ADAM9: variants seen among roughly 807,000 people sequenced by gnomAD.
ADAM9 encodes the protein disintegrin and metalloproteinase domain-containing protein 9.
Under a neutral mutation model 108.1 loss-of-function variants are expected in ADAM9, and 54 were observed. The ratio of observed to expected loss-of-function variants is 0.50; its 90% CI spans 0.40 to 0.63. ADAM9 has a LOEUF of 0.63. Ranked by LOEUF, ADAM9 falls within the 20% of genes least tolerant of loss-of-function variation. The pLI, the probability that ADAM9 is intolerant of heterozygous loss-of-function variation, is 0.00. For synonymous variants in ADAM9, 316 were observed against 336.0 expected, an observed-to-expected ratio of 0.94 and a Z score of 0.65; for missense variants, 830 against 997.7, an observed-to-expected ratio of 0.83 and a Z score of 2.26.
chr8:39,057,421 C>A (rs1838161437), intron 14 of ADAM9, among the ~76,000 whole-genome samples: 1 of 150,460 alleles, frequency 6.6e-6, no homozygotes, highest in Admixed American at 6.6e-5. Context: ...ATATATTCTC[C>A]TGGAGGAATC....
rs764519029 is a variant in ADAM9 at position 39,068,543 on chromosome 8, C to T, written c.1592-2755C>T. Among the ~76,000 whole-genome samples, 199 of 151,336 alleles carry T rather than the reference C, an allele frequency of 1.3e-3. 1 individual carries two copies. Among genetic ancestry groups the T allele is most frequent in the Non-Finnish European group, 9.4e-4 (64 of 67,784 alleles). The stretch of plus-strand genomic sequence containing the variant: ...TACAAAAATTAGCTTGGCATGATGG[C>T]GGGCACCTGTAATCCCAGCTACTCA... On this transcript the variant is annotated intron_variant, in intron 14 of 21. Coordinates refer to ENST00000487273, the MANE Select transcript of ADAM9 (RefSeq NM_003816.3).
chr8:39,040,474 A>G (rs932313864), intron 11 of ADAM9, among the ~76,000 whole-genome samples: 3 of 152,162 alleles, frequency 2.0e-5, no homozygotes, highest in African/African-American at 7.2e-5. Flanking sequence ...GGCCATTTTT[A>G]TGTCATCTTT....
At chr8:39,082,060 TTC>T (rs1839041218) in intron 16 of ADAM9, among the ~76,000 whole-genome samples, 1 of 152,302 alleles carries the variant, frequency 6.6e-6, no homozygotes, top group African/African-American at 2.4e-5. Context: ...GAACTAGAAT[TTC>T]TTGAACCATG....
chr8:39,046,206 A>G (rs1396488605), intron 12 of ADAM9, among the ~76,000 whole-genome samples: 1 of 152,088 alleles, frequency 6.6e-6, no homozygotes, highest in African/African-American at 2.4e-5. Context: ...AAGCTTATTC[A>G]CAAATGTTTT....
At chr8:39,080,892 G>A (rs1839000077) in intron 16 of ADAM9, among the ~76,000 whole-genome samples, 1 of 151,570 alleles carries the variant, frequency 6.6e-6, no homozygotes, top group African/African-American at 2.4e-5. Context: ...GGCCATGGGT[G>A]GTAGGGGGAG....
intron 16 of ADAM9, among the ~76,000 whole-genome samples, chr8:39,079,855 G>A (rs1190782016): frequency 6.6e-6 from 1 of 152,184 alleles, no homozygotes; most frequent in East Asian, 1.9e-4. Context: ...AAAGTGTTGG[G>A]ATTACAGGCG....
chr8:39,090,051 GA>G lies in ADAM9; in HGVS notation c.2075del (p.Asn692IlefsTer4). 1 of 1,613,820 alleles carries G rather than the reference GA, an allele frequency of 6.2e-7. No individual in the cohort carries two copies. Among genetic ancestry groups the G allele is most frequent in the African/African-American group, 1.3e-5 (1 of 74,996 alleles). On this transcript the variant is annotated frameshift_variant, in exon 19 of 22. Transcript: ENST00000487273. LOFTEE classifies it high-confidence loss of function. ...ATGTAAAATTCTTCTCTCTAGAAAT[GA>G]ATACTGCATTGAGGGACGGACTTCT... ...VDSGPTYNEM[N>X]TALRDGLLVF...
chr8:39,025,441 C>T (rs960676103), intron 9 of ADAM9, among the ~76,000 whole-genome samples: 2 of 152,106 alleles, frequency 1.3e-5, no homozygotes, highest in Non-Finnish European at 2.9e-5. Context: ...CCTGCAGCTG[C>T]CCGTGTAAAC....
chr8:39,020,263 A>C (rs1425207436), intron 7 of ADAM9, among the ~76,000 whole-genome samples: 2 of 152,176 alleles, frequency 1.3e-5, no homozygotes, highest in African/African-American at 2.4e-5. Flanking sequence ...AAAAAACAAA[A>C]CAAAACAAAA....
At chr8:39,066,200 T>G (rs944130498) in intron 14 of ADAM9, among the ~76,000 whole-genome samples, 1 of 152,232 alleles carries the variant, frequency 6.6e-6, no homozygotes, top group African/African-American at 2.4e-5. Context: ...TGAATAGTGC[T>G]GCAATAAACA....
intron 15 of ADAM9, among the ~76,000 whole-genome samples, chr8:39,071,623 C>T (rs1335922551): frequency 5.9e-5 from 9 of 152,198 alleles, no homozygotes; most frequent in South Asian, 4.2e-4. Flanking sequence ...TGTGCCACCA[C>T]GCCCAGCTAA....
chr8:39,080,827 C>G (rs1588420431), intron 16 of ADAM9, among the ~76,000 whole-genome samples: 1 of 152,120 alleles, frequency 6.6e-6, no homozygotes, highest in South Asian at 2.1e-4. Context: ...AATCAGTAAA[C>G]CAGAAGTCCT....
intron 16 of ADAM9, among the ~76,000 whole-genome samples, chr8:39,080,921 G>A (rs1468892070): frequency 6.6e-6 from 1 of 151,204 alleles, no homozygotes; most frequent in Non-Finnish European, 1.5e-5. Context: ...GTATGTGAGA[G>A]GATGGTCTTA....
intron 11 of ADAM9, among the ~76,000 whole-genome samples, chr8:39,033,605 C>G (rs914118003): frequency 6.6e-6 from 1 of 151,488 alleles, no homozygotes; most frequent in African/African-American, 2.4e-5. Context: ...TTTATATTTA[C>G]TGTAATTACT....
At chr8:39,088,181 C>T (rs112814322) in intron 18 of ADAM9, among the ~76,000 whole-genome samples, 4,957 of 151,970 alleles carry the variant, frequency 0.033, 269 homozygotes, top group African/African-American at 0.11. Context: ...TATAAGTGGA[C>T]CTGCACAGTT....
chr8:39,022,093 T>TGA (rs1836762603), intron 8 of ADAM9, among the ~76,000 whole-genome samples: 1 of 150,388 alleles, frequency 6.6e-6, no homozygotes, highest in African/African-American at 2.5e-5. Flanking sequence ...TGTGTGTGTG[T>TGA]GTGTGAGAGA....
In ADAM9 at chr8:39,054,602, G is replaced by GAAAAAAAA. The variant is rs755442483; in HGVS notation, c.1395+42_1395+49dup. The GAAAAAAAA allele has an allele frequency of 1.7e-3, 1,569 of 944,478 alleles. 3 individuals carry two copies. The highest frequency in any genetic ancestry group is 5.4e-3 in the South Asian group (341 of 63,418). The allele number at this position is 944,478 out of a possible 1,614,324, so 58.5% of individuals were successfully genotyped here. ...AGGAATTCCTCCCTTTTGGAAACAG[G>GAAAAAAAA]AAAAAAAAAAAAAAAAAAAAGAAAA... On this transcript the variant is annotated intron_variant, in intron 13 of 21. Transcript: ENST00000487273.
intron 12 of ADAM9, among the ~76,000 whole-genome samples, chr8:39,045,305 T>C (rs1239355933): frequency 2.7e-5 from 4 of 147,954 alleles, no homozygotes; most frequent in Admixed American, 6.7e-5. Flanking sequence ...CACCTATACA[T>C]GTGTGTGTAC....
intron 18 of ADAM9, among the ~76,000 whole-genome samples, chr8:39,083,981 T>A (rs959004106): frequency 6.6e-6 from 1 of 152,198 alleles, no homozygotes; most frequent in Non-Finnish European, 1.5e-5. Flanking sequence ...CCCCACATCC[T>A]CTCTAACAGT....
Sources: allele counts gnomAD v4.1 joint callset (sites outside exome capture counted in the v4.1 genomes callset), GRCh38; gene constraint gnomAD v4.1.1; transcripts MANE v1.5; gene names NCBI Gene and HGNC (gene_info 2026-07-23, HGNC 2026-07-21).